FZD6: variants seen among roughly 807,000 people sequenced by gnomAD.
The protein encoded by FZD6 is frizzled class receptor 6.
A neutral mutation model predicts 61.4 loss-of-function variants in FZD6; 49 were observed. The ratio of observed to expected loss-of-function variants is 0.80; its 90% CI spans 0.63 to 1.01. The LOEUF (loss-of-function observed/expected upper bound fraction) is 1.01, where lower values mean the gene tolerates loss of function less well. FZD6 is among the 50% of genes least tolerant of loss of function. FZD6 has a pLI of 0.00. For synonymous variants in FZD6, 265 were observed against 292.2 expected (o/e 0.91, Z 0.95); for missense variants, 724 against 848.2 (o/e 0.85, Z 1.82).
Position 103,316,778 on chromosome 8 carries a change from C to G in FZD6, c.178-1812C>G, listed in dbSNP as rs116539898. On this transcript the variant is annotated intron_variant, in intron 2 of 6. Transcript: ENST00000358755. ...TTCCCCCCTCTGGAAACATTTATGA[C>G]CTTCTCTTTGTCTTGATGCTCTGAA... 1.0e-2 allele frequency among the ~76,000 whole-genome samples: 1,519 copies of G among 152,208 alleles called. 32 individuals carry two copies. The highest frequency in any genetic ancestry group is 0.034 in the African/African-American group (1,419 of 41,532).
rs1462259288 is a variant in FZD6, at chr8:103,326,706, A to C, written c.1392+1208A>C. On this transcript the variant is annotated intron_variant, in intron 4 of 6. Transcript: ENST00000358755. Reference sequence around the variant, plus strand: ...AGATTCTGCGTGACAAAAAAAAACAAACAAACAATCCATAATCAATGTCAA... The same window carrying C: ...AGATTCTGCGTGACAAAAAAAAACACACAAACAATCCATAATCAATGTCAA... Among the ~76,000 whole-genome samples the C allele has an allele frequency of 2.6e-5, 4 of 151,570 alleles. No individual in the cohort carries two copies. The East Asian group carries it at 5.8e-4, about 22-fold the overall frequency.
At chr8:103,303,214 G>A (rs1031761844) in intron 2 of FZD6, among the ~76,000 whole-genome samples, 2 of 152,082 alleles carry the variant, frequency 1.3e-5, no homozygotes, top group African/African-American at 4.8e-5. Flanking sequence ...CTCTGCTTCA[G>A]CCAACTGACC....
At chr8:103,327,400 G>A (rs2130337779) in intron 4 of FZD6, among the ~76,000 whole-genome samples, 1 of 152,280 alleles carries the variant, frequency 6.6e-6, no homozygotes, top group South Asian at 2.1e-4. Context: ...TTCAAGACCA[G>A]CCTGGGCAAC....
In FZD6 at chr8:103,318,710, G is replaced by T. The variant is rs747924397; in HGVS notation, c.298G>T (p.Glu100Ter). ...HVVPPCRKLC[E>*]KVYSDCKKLI... ...GGTTCCACCTTGTCGTAAACTTTGTGAGAAAGTATATTCTGATTGCAAAAA... is the reference window on the plus strand; with the variant it reads ...GGTTCCACCTTGTCGTAAACTTTGTTAGAAAGTATATTCTGATTGCAAAAA... The change falls in exon 3 of 7, where the codon GAG becomes TAG. Residue 100 changes from glutamate (E) to a stop codon, truncating the protein, a stop_gained. Transcript: ENST00000358755. LOFTEE classifies it high-confidence loss of function. The T allele has an allele frequency of 6.2e-7, 1 of 1,610,496 alleles. No homozygotes were observed. Among genetic ancestry groups the T allele is most frequent in the South Asian group, 1.1e-5 (1 of 91,014 alleles).
At chr8:103,305,636 G>T (rs971944141) in intron 2 of FZD6, among the ~76,000 whole-genome samples, 82 of 152,332 alleles carry the variant, frequency 5.4e-4, no homozygotes, top group African/African-American at 1.9e-3. Context: ...CTGAAAGTAA[G>T]ACATTAATCA....
At chr8:103,330,214 G>T in intron 6 of FZD6, 149 bp downstream of exon 6, 1 of 708,464 alleles carries the variant, frequency 1.4e-6, no homozygotes. Context: ...CTATAAATAT[G>T]CTATTTAGTA....
chr8:103,301,059 A>G (rs1814155274), intron 2 of FZD6, among the ~76,000 whole-genome samples: 1 of 152,202 alleles, frequency 6.6e-6, no homozygotes, highest in South Asian at 2.1e-4. Flanking sequence ...TTCTCCAGAA[A>G]AACAGAATAG....
intron 5 of FZD6, among the ~76,000 whole-genome samples, chr8:103,328,737 C>CA (rs1181409495): frequency 1.3e-5 from 2 of 151,250 alleles, no homozygotes; most frequent in Admixed American, 6.6e-5. Flanking sequence ...TTACTGCTGT[C>CA]ATTGGATTCA....
Position 103,300,080 on chromosome 8 carries a change from A to G in FZD6, c.-28A>G. The stretch of plus-strand genomic sequence containing the variant: ...ATGCAAAGAGTGATTCATCCAAGCC[A>G]TGTGGTAAAATCAGGAATTTGAAGA... On this transcript the variant is annotated 5_prime_UTR_variant, in exon 2 of 7. An upstream start codon of the reference 5' UTR is lost. Transcript: ENST00000358755. 1.5e-6 allele frequency: 2 copies of G among 1,377,530 alleles called. No homozygotes were observed. The highest frequency in any genetic ancestry group is 2.1e-6 in the Non-Finnish European group (2 of 963,708). 85.3% of individuals were successfully genotyped at this position (1,377,530 alleles called of 1,614,324 possible). A position where few individuals can be genotyped will look rare whatever the true frequency, so the allele number is the denominator to read the frequency against.
chr8:103,318,544 T>C, intron 2 of FZD6, 46 bp from the exon 3 acceptor site: 1 of 1,048,948 alleles, frequency 9.5e-7, no homozygotes, highest in Non-Finnish European at 1.5e-6. Flanking sequence ...ATTTTATTCA[T>C]TTGTTATTAA....
Position 103,324,506 on chromosome 8 carries a change from C to G in FZD6, c.400C>G (p.Pro134Ala), listed in dbSNP as rs935109876. 6.3e-7 allele frequency: 1 copy of G among 1,597,946 alleles called. No homozygotes were observed. Among genetic ancestry groups the G allele is most frequent in the Non-Finnish European group, 8.6e-7 (1 of 1,165,616 alleles). Reference sequence around the variant, plus strand: ...ATTACAATACTGTGATGAGACTGTTCCTGTAACTTTTGATCCACACACAGA... The same window carrying G: ...ATTACAATACTGTGATGAGACTGTTGCTGTAACTTTTGATCCACACACAGA... ...DRLQYCDETV[P>A]VTFDPHTEFL... The change falls in exon 4 of 7, where the codon CCT (proline) becomes GCT (alanine). Residue 134 changes from proline (P) to alanine (A), a missense_variant. Physicochemically the swap from Pro to Ala is conservative, Grantham distance 27. Coordinates refer to ENST00000358755, the MANE Select transcript of FZD6 (RefSeq NM_003506.4).
At chr8:103,299,322 C>G (rs1046229472) in intron 1 of FZD6, among the ~76,000 whole-genome samples, 10 of 152,252 alleles carry the variant, frequency 6.6e-5, no homozygotes. Context: ...CCGGGGCCTA[C>G]AGCCTTCCTC....
At chr8:103,329,161 G>A (rs1815050652) in intron 5 of FZD6, among the ~76,000 whole-genome samples, 1 of 150,330 alleles carries the variant, frequency 6.7e-6, no homozygotes, top group South Asian at 2.1e-4. Context: ...GTATTCAACT[G>A]GATTTTTTTG....
chr8:103,305,876 C>A lies in FZD6; in HGVS notation c.177+5592C>A, dbSNP rs1386229703. ...ATAAGCACAAGGTTCCTAGTCCATT[C>A]CTTAGTATTCCATGGGAAGACTGTT... On this transcript the variant is annotated intron_variant, in intron 2 of 6. Coordinates refer to ENST00000358755, the MANE Select transcript of FZD6 (RefSeq NM_003506.4). Among the ~76,000 whole-genome samples the A allele has an allele frequency of 2.6e-5, 4 of 152,216 alleles. No individual in the cohort carries two copies. The East Asian group carries it at 7.7e-4, about 29-fold the overall frequency.
intron 6 of FZD6, among the ~76,000 whole-genome samples, chr8:103,331,044 G>A (rs1815109538): frequency 6.6e-6 from 1 of 152,072 alleles, no homozygotes; most frequent in Non-Finnish European, 1.5e-5. Flanking sequence ...GGGTGTGGTG[G>A]CACCCACCTG....
intron 3 of FZD6, among the ~76,000 whole-genome samples, chr8:103,324,022 G>T (rs1814866217): frequency 6.6e-6 from 1 of 152,072 alleles, no homozygotes; most frequent in Admixed American, 6.6e-5. Flanking sequence ...TTAGTTATAT[G>T]GTTGCTTTAC....
At position 103,306,664 on chromosome 8, in the gene FZD6, G is replaced by A. The variant is rs867059915; in HGVS notation, c.177+6380G>A. On this transcript the variant is annotated intron_variant, in intron 2 of 6. Coordinates refer to ENST00000358755, the MANE Select transcript of FZD6 (RefSeq NM_003506.4). ...ACTACAGGCGCCCGTCACCAAGCCC[G>A]GCTAATTTTTTTGTATTTTTTTAGT... 2.6e-5 allele frequency among the ~76,000 whole-genome samples: 4 copies of A among 151,512 alleles called. No homozygotes were observed. In the South Asian group the frequency reaches 6.3e-4, roughly 24 times the overall value.
chr8:103,319,309 G>A (rs933538921), intron 3 of FZD6, among the ~76,000 whole-genome samples: 2 of 152,204 alleles, frequency 1.3e-5, no homozygotes, highest in African/African-American at 4.8e-5. Context: ...AGCTAGTATA[G>A]CTGGAGTGAT....
intron 2 of FZD6, among the ~76,000 whole-genome samples, chr8:103,315,809 G>C (rs1047974695): frequency 3.3e-5 from 5 of 152,150 alleles, no homozygotes; most frequent in African/African-American, 4.8e-5. Flanking sequence ...ATACTAAAAG[G>C]CTTTGAACAG....
Sources: allele counts gnomAD v4.1 joint callset (sites outside exome capture counted in the v4.1 genomes callset), GRCh38; gene constraint gnomAD v4.1.1; transcripts MANE v1.5; gene names NCBI Gene and HGNC (gene_info 2026-07-23, HGNC 2026-07-21).